The following NRXN3 variants were observed in gnomAD, a reference collection of about 807,000 sequenced individuals.
The protein encoded by NRXN3 is neurexin III.
Under a neutral mutation model 137.6 loss-of-function variants are expected in NRXN3, and 32 were observed. That is an observed-to-expected ratio of 0.23 (90% CI 0.18 to 0.31). NRXN3 has a LOEUF of 0.31. Among genes scored for constraint, NRXN3 ranks in the 10% least tolerant of loss-of-function variants. The pLI, the probability that NRXN3 is intolerant of heterozygous loss-of-function variation, is 1.00. For missense variants in NRXN3, 1,574 were observed against 2,062.5 expected, an observed-to-expected ratio of 0.76 and a Z score of 4.59; for synonymous variants, 798 against 784.5, an observed-to-expected ratio of 1.02 and a Z score of -0.29.
intron 15 of NRXN3, chr14:79,313,987 G>C (rs951490826): frequency 3.3e-5 from 5 of 150,658 alleles, no homozygotes; most frequent in African/African-American, 1.2e-4. Flanking sequence ...GAGGAACTGC[G>C]TTCCTTTGGA....
At chr14:78,293,402 G>C (rs1258614325) in intron 3 of NRXN3, among the ~76,000 whole-genome samples, 1 of 152,044 alleles carries the variant, frequency 6.6e-6, no homozygotes, top group African/African-American at 2.4e-5. Context: ...CCTCCTTTCA[G>C]CTCTTTATGT....
At chr14:79,607,310 C>T (rs986054405) in intron 16 of NRXN3, among the ~76,000 whole-genome samples, 2 of 152,174 alleles carry the variant, frequency 1.3e-5, no homozygotes, top group East Asian at 3.9e-4. Context: ...AGGTGTTAAA[C>T]AGAACCTTTC....
chr14:78,636,452 G>C (rs2097567733), intron 4 of NRXN3, among the ~76,000 whole-genome samples: 1 of 152,050 alleles, frequency 6.6e-6, no homozygotes, highest in South Asian at 2.1e-4. Flanking sequence ...TGTAGAACTA[G>C]GGTATCAGAC....
chr14:79,391,192 T>C (rs537283279), intron 15 of NRXN3, among the ~76,000 whole-genome samples: 138 of 152,150 alleles, frequency 9.1e-4, no homozygotes, highest in African/African-American at 3.2e-3. Flanking sequence ...GATTAGAGGA[T>C]CTTAATATCT....
At chr14:78,572,103 G>A (rs774029828) in intron 4 of NRXN3, among the ~76,000 whole-genome samples, 14 of 152,148 alleles carry the variant, frequency 9.2e-5, no homozygotes, top group Non-Finnish European at 1.8e-4. Context: ...TTGTTCAAGT[G>A]TCAGTGCTGG....
chr14:79,808,099 G>A (rs917630419), intron 20 of NRXN3, among the ~76,000 whole-genome samples: 73 of 151,930 alleles, frequency 4.8e-4, no homozygotes, highest in African/African-American at 1.7e-3. Context: ...TTAGCCAGGC[G>A]TGGTGGCAGG....
chr14:78,735,100 C>T (rs1430732287), intron 8 of NRXN3, among the ~76,000 whole-genome samples: 1 of 151,914 alleles, frequency 6.6e-6, no homozygotes, highest in Non-Finnish European at 1.5e-5. Context: ...AGGGCATTGA[C>T]CAGGGATGTG....
chr14:78,609,508 G>A (rs1310671402), intron 4 of NRXN3, among the ~76,000 whole-genome samples: 1 of 152,178 alleles, frequency 6.6e-6, no homozygotes, highest in African/African-American at 2.4e-5. Context: ...TTAGTTTGTA[G>A]GGAGATGGTA....
intron 15 of NRXN3, among the ~76,000 whole-genome samples, chr14:79,228,894 A>G (rs1235228651): frequency 1.3e-5 from 2 of 152,176 alleles, no homozygotes; most frequent in African/African-American, 4.8e-5. Context: ...CGGTATTGGC[A>G]TACGTGTTAC....
chr14:78,605,018 C>T (rs1193379049), intron 4 of NRXN3, among the ~76,000 whole-genome samples: 1 of 152,124 alleles, frequency 6.6e-6, no homozygotes, highest in Non-Finnish European at 1.5e-5. Flanking sequence ...CCCAGAGTCA[C>T]ATTCAAAGAT....
chr14:79,120,252 C>G (rs573200070), intron 15 of NRXN3, among the ~76,000 whole-genome samples: 1 of 152,022 alleles, frequency 6.6e-6, no homozygotes, highest in Non-Finnish European at 1.5e-5. Context: ...TATTTTCTTC[C>G]GCTAAGCAGA....
At chr14:79,535,340 G>A (rs80094617) in intron 16 of NRXN3, among the ~76,000 whole-genome samples, 11 of 152,276 alleles carry the variant, frequency 7.2e-5, no homozygotes, top group East Asian at 3.9e-4. Context: ...TTCTTCCCGC[G>A]TAGCATCACC....
intron 4 of NRXN3, among the ~76,000 whole-genome samples, chr14:78,529,448 C>T (rs562057164): frequency 6.6e-6 from 1 of 152,230 alleles, no homozygotes; most frequent in African/African-American, 2.4e-5. Context: ...ACTAGAGAAG[C>T]AATGTCTTTT....
intron 16 of NRXN3, among the ~76,000 whole-genome samples, chr14:79,567,525 G>A (rs74444430): frequency 2.0e-5 from 3 of 151,894 alleles, no homozygotes; most frequent in African/African-American, 7.3e-5. Flanking sequence ...ATTACAATCT[G>A]TCTACTTAAT....
At chr14:78,435,125 T>C (rs2094017641) in intron 4 of NRXN3, among the ~76,000 whole-genome samples, 1 of 152,220 alleles carries the variant, frequency 6.6e-6, no homozygotes, top group African/African-American at 2.4e-5. Flanking sequence ...TATAGTTCCT[T>C]TGGAGATTCA....
At chr14:79,441,534 C>A (rs1054492473) in intron 15 of NRXN3, among the ~76,000 whole-genome samples, 1 of 151,696 alleles carries the variant, frequency 6.6e-6, no homozygotes, top group Admixed American at 6.6e-5. Flanking sequence ...CGCCCGCCAC[C>A]GCACCCGGCT....
chr14:78,335,010 G>T (rs1597447139), intron 4 of NRXN3, among the ~76,000 whole-genome samples: 1 of 152,230 alleles, frequency 6.6e-6, no homozygotes, highest in Middle Eastern at 3.4e-3. Flanking sequence ...GGGTACAGGG[G>T]ATACCCCTCA....
chr14:78,840,769 A>C (rs1206821018), intron 10 of NRXN3, among the ~76,000 whole-genome samples: 1 of 152,186 alleles, frequency 6.6e-6, no homozygotes, highest in Non-Finnish European at 1.5e-5. Context: ...GCCACACGGT[A>C]ATGCATCACT....
At chr14:78,269,141 C>T (rs568350099) in intron 2 of NRXN3, among the ~76,000 whole-genome samples, 11 of 152,284 alleles carry the variant, frequency 7.2e-5, no homozygotes, top group Middle Eastern at 3.4e-3. Context: ...AAATGAAGCT[C>T]ACAGAGGCTC....
Sources: allele counts gnomAD v4.1 joint callset (sites outside exome capture counted in the v4.1 genomes callset), GRCh38; gene constraint gnomAD v4.1.1; transcripts MANE v1.5; gene names NCBI Gene and HGNC (gene_info 2026-07-23, HGNC 2026-07-21).